The following PPM1L variants were observed in gnomAD, a reference collection of about 807,000 sequenced individuals.
The protein encoded by PPM1L is protein phosphatase 1L.
PPM1L carries 13 observed loss-of-function variants against 31.4 expected under a neutral mutation model. That is an observed-to-expected ratio of 0.41 (90% CI 0.27 to 0.66). The LOEUF (loss-of-function observed/expected upper bound fraction) is 0.66. Ranked by LOEUF, PPM1L falls within the 30% of genes least tolerant of loss-of-function variation. The probability of loss-of-function intolerance (pLI) is 0.29; values close to 1 mark genes in which losing one functional copy is unlikely to be tolerated. For missense variants in PPM1L, 326 were observed against 453.7 expected (o/e 0.72, Z 2.56); for synonymous variants, 184 against 175.4 (o/e 1.05, Z -0.39).
chr3:161,023,216 T>A (rs1159711946), intron 2 of PPM1L, among the ~76,000 whole-genome samples: 1 of 152,228 alleles, frequency 6.6e-6, no homozygotes, highest in South Asian at 2.1e-4. Context: ...GTGGATTTCT[T>A]AGAGTTTATT....
intron 1 of PPM1L, among the ~76,000 whole-genome samples, chr3:160,886,783 CA>C (rs2108042377): frequency 6.6e-6 from 1 of 152,162 alleles, no homozygotes; most frequent in South Asian, 2.1e-4. Flanking sequence ...GCAGAAAACC[CA>C]AAAGGCCAGA....
intron 2 of PPM1L, among the ~76,000 whole-genome samples, chr3:161,056,560 A>G (rs146002965): frequency 2.0e-5 from 3 of 152,292 alleles, no homozygotes; most frequent in Admixed American, 2.0e-4. Flanking sequence ...TCCTATCACC[A>G]AGATAGCCCT....
At chr3:160,917,280 A>G (rs1714217345) in intron 1 of PPM1L, among the ~76,000 whole-genome samples, 1 of 152,212 alleles carries the variant, frequency 6.6e-6, no homozygotes, top group Non-Finnish European at 1.5e-5. Context: ...GAAATCTCTC[A>G]ATCTGCTAGC....
At chr3:160,764,438 TTTG>T (rs1465859308) in intron 1 of PPM1L, among the ~76,000 whole-genome samples, 1 of 151,546 alleles carries the variant, frequency 6.6e-6, no homozygotes, top group African/African-American at 2.4e-5. Flanking sequence ...TTATATTTGA[TTTG>T]TTATTTATTT....
At chr3:160,785,025 C>A (rs916537448) in intron 1 of PPM1L, among the ~76,000 whole-genome samples, 4 of 152,062 alleles carry the variant, frequency 2.6e-5, no homozygotes, top group African/African-American at 9.7e-5. Flanking sequence ...TTTGGCACAC[C>A]CAGTAAATTG....
At position 160,886,688 on chromosome 3, in the gene PPM1L, AC is replaced by A. The variant is rs538007015; in HGVS notation, c.400-75047del. Among the ~76,000 whole-genome samples the A allele has an allele frequency of 3.4e-3, 525 of 152,258 alleles. 1 individual carries two copies. Among genetic ancestry groups the A allele is most frequent in the African/African-American group, 0.012 (507 of 41,544 alleles). Reference sequence around the variant, plus strand: ...GCATCAACAACAACAAAAAGTCCCCACAAAAACCCCATTCAAGGGTCAGTAG... The same window carrying A: ...GCATCAACAACAACAAAAAGTCCCCAAAAAACCCCATTCAAGGGTCAGTAG... On this transcript the variant is annotated intron_variant, in intron 1 of 3. Transcript: ENST00000498165.
rs1436550899 is a variant in PPM1L, at chr3:160,968,691, A to G, written c.574+6781A>G. Among the ~76,000 whole-genome samples, 3 of 152,150 alleles carry G rather than the reference A, an allele frequency of 2.0e-5. No homozygotes were observed. In the East Asian group the frequency reaches 5.8e-4, roughly 29 times the overall value. ...TGAGGAGAGTAGGCCCATTTATTTGAGAGTGATATTTTCTGTCACAGGCTC... is the reference window on the plus strand; with the variant it reads ...TGAGGAGAGTAGGCCCATTTATTTGGGAGTGATATTTTCTGTCACAGGCTC... On this transcript the variant is annotated intron_variant, in intron 2 of 3. Transcript: ENST00000498165.
chr3:160,763,222 C>T lies in PPM1L; in HGVS notation c.399+6515C>T, dbSNP rs114238111. 6.7e-3 allele frequency among the ~76,000 whole-genome samples: 1,019 copies of T among 152,324 alleles called. 11 individuals carry two copies. The highest frequency in any genetic ancestry group is 0.024 in the African/African-American group (980 of 41,572). ...TTGCTCCCTTTGCAGGTGGAGAGCACTTCCAGTGATGCCACTTTGTGAGGA... is the reference window on the plus strand; with the variant it reads ...TTGCTCCCTTTGCAGGTGGAGAGCATTTCCAGTGATGCCACTTTGTGAGGA... On this transcript the variant is annotated intron_variant, in intron 1 of 3. Transcript: ENST00000498165.
intron 2 of PPM1L, among the ~76,000 whole-genome samples, chr3:160,996,437 A>G (rs778652): frequency 0.22 from 33,499 of 152,174 alleles, 4,007 homozygotes; most frequent in South Asian, 0.3. Flanking sequence ...TGGTATATAT[A>G]TCATGCAATA....
chr3:160,929,452 C>G (rs1416143491), intron 1 of PPM1L, among the ~76,000 whole-genome samples: 2 of 152,084 alleles, frequency 1.3e-5, no homozygotes, highest in East Asian at 1.9e-4. Context: ...GTTGCTGATC[C>G]TGCAGGGTCT....
chr3:160,925,111 A>G (rs78431819), intron 1 of PPM1L, among the ~76,000 whole-genome samples: 1,858 of 152,336 alleles, frequency 0.012, 36 homozygotes, highest in African/African-American at 0.043. Context: ...CTAATCATTG[A>G]AATCAGCTTC....
intron 1 of PPM1L, among the ~76,000 whole-genome samples, chr3:160,781,229 C>G (rs1327704319): frequency 1.3e-5 from 2 of 152,162 alleles, no homozygotes; most frequent in Non-Finnish European, 2.9e-5. Context: ...TAGAGCGACT[C>G]ATGGCTTTTT....
rs1342242290 is a variant in PPM1L at position 160,765,192 on chromosome 3, A to G, written c.399+8485A>G. ...GTAGAAATTAAGGCACTGAGAGGTT[A>G]AGTAATTTGCCCATGGTCTCTCACA... On this transcript the variant is annotated intron_variant, in intron 1 of 3. Coordinates refer to ENST00000498165, the MANE Select transcript of PPM1L (RefSeq NM_139245.4). 2.6e-5 allele frequency among the ~76,000 whole-genome samples: 4 copies of G among 152,156 alleles called. No homozygotes were observed. In the East Asian group the frequency reaches 7.7e-4, roughly 29 times the overall value.
chr3:160,976,630 C>A (rs1426801074), intron 2 of PPM1L, among the ~76,000 whole-genome samples: 5 of 152,008 alleles, frequency 3.3e-5, no homozygotes, highest in Admixed American at 1.3e-4. Flanking sequence ...GGAATTTATC[C>A]ATTTCTTCTA....
At position 160,985,242 on chromosome 3, in the gene PPM1L, G is replaced by T. The variant is rs561272594; in HGVS notation, c.574+23332G>T. ...TTACATGGTGATTTCCGAGATTTTGGTGTACCCATCACCCCAGCAGTGTAC... is the reference window on the plus strand; with the variant it reads ...TTACATGGTGATTTCCGAGATTTTGTTGTACCCATCACCCCAGCAGTGTAC... On this transcript the variant is annotated intron_variant, in intron 2 of 3. Transcript: ENST00000498165. Among the ~76,000 whole-genome samples, 5 of 152,234 alleles carry T rather than the reference G, an allele frequency of 3.3e-5. No individual in the cohort carries two copies. In the South Asian group the frequency reaches 1.0e-3, roughly 32 times the overall value.
chr3:160,975,505 G>A (rs1462999794), intron 2 of PPM1L, among the ~76,000 whole-genome samples: 1 of 152,216 alleles, frequency 6.6e-6, no homozygotes, highest in Admixed American at 6.5e-5. Flanking sequence ...TGACCCATGA[G>A]CATGGAATGT....
chr3:160,764,477 T>C (rs920503448), intron 1 of PPM1L, among the ~76,000 whole-genome samples: 1 of 147,610 alleles, frequency 6.8e-6, no homozygotes, highest in Non-Finnish European at 1.5e-5. Flanking sequence ...CTCTCTCTCT[T>C]TTTTTTTTTA....
At chr3:161,067,414 C>T (rs1576627399) in intron 3 of PPM1L, among the ~76,000 whole-genome samples, 1 of 152,304 alleles carries the variant, frequency 6.6e-6, no homozygotes, top group South Asian at 2.1e-4. Flanking sequence ...CTGGCCTCAG[C>T]CTCTTTTCAG....
At chr3:160,798,443 T>C (rs1712324555) in intron 1 of PPM1L, among the ~76,000 whole-genome samples, 1 of 152,192 alleles carries the variant, frequency 6.6e-6, no homozygotes, top group African/African-American at 2.4e-5. Context: ...AGCCAATGCT[T>C]ATTTGCCATT....
Sources: allele counts gnomAD v4.1 joint callset (sites outside exome capture counted in the v4.1 genomes callset), GRCh38; gene constraint gnomAD v4.1.1; transcripts MANE v1.5; gene names NCBI Gene and HGNC (gene_info 2026-07-23, HGNC 2026-07-21).